Variants in FBXL17 observed in about 807,000 individuals in gnomAD.
FBXL17 encodes the protein F-box and leucine rich repeat protein 17.
FBXL17 carries 22 observed loss-of-function variants against 66.2 expected under a neutral mutation model. The observed-to-expected ratio is 0.33, with a 90% CI of 0.24 to 0.47. The LOEUF is 0.47. Among genes scored for constraint, FBXL17 ranks in the 20% least tolerant of loss-of-function variants. The pLI, the probability that FBXL17 is intolerant of heterozygous loss-of-function variation, is 1.00. For synonymous variants in FBXL17, 474 were observed against 400.5 expected, an observed-to-expected ratio of 1.18 and a Z score of -2.19; for missense variants, 878 against 948.2, an observed-to-expected ratio of 0.93 and a Z score of 0.97.
chr5:107,899,723 A>G (rs1259462875), intron 7 of FBXL17, among the ~76,000 whole-genome samples: 3 of 152,196 alleles, frequency 2.0e-5, no homozygotes, highest in Non-Finnish European at 4.4e-5. Context: ...TGATTTTCTA[A>G]ACGTAAGTTG....
At chr5:107,990,165 A>C (rs1753184534) in intron 7 of FBXL17, among the ~76,000 whole-genome samples, 1 of 152,214 alleles carries the variant, frequency 6.6e-6, no homozygotes, top group Non-Finnish European at 1.5e-5. Flanking sequence ...AGGTAAATTC[A>C]AGATCCCTAA....
chr5:108,160,867 A>T (rs1752184864), intron 6 of FBXL17, among the ~76,000 whole-genome samples: 1 of 152,134 alleles, frequency 6.6e-6, no homozygotes, highest in East Asian at 1.9e-4. Context: ...CAAGGGCCTT[A>T]TTGGAAAGTT....
intron 6 of FBXL17, among the ~76,000 whole-genome samples, chr5:108,031,495 G>T (rs1039321353): frequency 1.3e-5 from 2 of 151,964 alleles, no homozygotes; most frequent in Admixed American, 1.3e-4. Context: ...TAATATCATA[G>T]GAGTTAAAAA....
At chr5:108,031,727 A>C (rs1329474025) in intron 6 of FBXL17, among the ~76,000 whole-genome samples, 2 of 152,182 alleles carry the variant, frequency 1.3e-5, no homozygotes, top group African/African-American at 4.8e-5. Context: ...AACATAATAC[A>C]GTAATAAAAC....
chr5:108,222,659 G>C (rs973254172), intron 5 of FBXL17, among the ~76,000 whole-genome samples: 1 of 144,860 alleles, frequency 6.9e-6, no homozygotes. Flanking sequence ...TAGCAATTTA[G>C]ATACTATGGC....
intron 6 of FBXL17, among the ~76,000 whole-genome samples, chr5:108,052,112 C>CAGAAA (rs1561386640): frequency 2.7e-4 from 28 of 102,194 alleles, no homozygotes; most frequent in Non-Finnish European, 4.2e-4. Context: ...GACTTCGTCT[C>CAGAAA]AAAAAAAAAA....
chr5:107,940,060 G>A (rs908719276), intron 7 of FBXL17, among the ~76,000 whole-genome samples: 1 of 152,072 alleles, frequency 6.6e-6, no homozygotes, highest in Non-Finnish European at 1.5e-5. Flanking sequence ...AGTCTCACAA[G>A]CCTCTGAAGT....
At chr5:108,245,654 ATAAACACT>A (rs1367782285) in intron 4 of FBXL17, among the ~76,000 whole-genome samples, 5 of 152,222 alleles carry the variant, frequency 3.3e-5, no homozygotes, top group South Asian at 4.1e-4. Flanking sequence ...TCCCCTTGGC[ATAAACACT>A]TAAACTCTAC....
At chr5:107,962,690 T>A (rs1332365060) in intron 7 of FBXL17, among the ~76,000 whole-genome samples, 2 of 151,990 alleles carry the variant, frequency 1.3e-5, no homozygotes, top group South Asian at 2.1e-4. Context: ...TTTTTTTTTT[T>A]AATGAACAAA....
intron 6 of FBXL17, among the ~76,000 whole-genome samples, chr5:108,071,355 A>C (rs1748324645): frequency 6.6e-6 from 1 of 152,244 alleles, no homozygotes; most frequent in South Asian, 2.1e-4. Context: ...CCTCAAGAAC[A>C]GTTGAAAAAT....
intron 6 of FBXL17, among the ~76,000 whole-genome samples, chr5:108,099,401 C>T (rs10044509): frequency 0.31 from 46,732 of 152,030 alleles, 8,158 homozygotes; most frequent in Admixed American, 0.4. Flanking sequence ...ATAAGTTTTA[C>T]ATGGCACAGG....
At position 108,380,710 on chromosome 5, in the gene FBXL17, T is replaced by C. The variant is rs200545265; in HGVS notation, c.982A>G (p.Ile328Val). 2.1e-3 allele frequency: 2,611 copies of C among 1,246,944 alleles called. 3 individuals are homozygous for C. Among genetic ancestry groups the C allele is most frequent in the Non-Finnish European group, 2.5e-3 (2,478 of 988,196 alleles). 77.2% of individuals were successfully genotyped at this position (1,246,944 alleles called of 1,614,324 possible). Reference protein sequence around the residue: ...TPDINQLPPSILLKIFSNLSL... With the variant: ...TPDINQLPPSVLLKIFSNLSL... ...TCGCCCAGACCCACCTTGAGCAGGA[T>C]GGACGGCGGCAGCTGGTTGATGTCT... is the stretch of plus-strand genomic sequence containing the variant. The change falls in exon 1 of 9, where the codon ATC becomes GTC. Residue 328 changes from isoleucine to valine, a missense_variant. Physicochemically the swap from Ile to Val is conservative, Grantham distance 29. Transcript: ENST00000542267.
chr5:108,092,318 T>G (rs1749217099), intron 6 of FBXL17, among the ~76,000 whole-genome samples: 2 of 152,142 alleles, frequency 1.3e-5, no homozygotes, highest in Admixed American at 1.3e-4. Context: ...CTTTATTAGT[T>G]TTTTTTAGGC....
intron 4 of FBXL17, among the ~76,000 whole-genome samples, chr5:108,284,658 C>A (rs1757829334): frequency 6.6e-6 from 1 of 151,790 alleles, no homozygotes; most frequent in Non-Finnish European, 1.5e-5. Context: ...ACTGTCCAAC[C>A]TATGCGTGTA....
chr5:107,942,376 T>C (rs1751135760), intron 7 of FBXL17, among the ~76,000 whole-genome samples: 6 of 152,196 alleles, frequency 3.9e-5, no homozygotes. Flanking sequence ...CATCTCTTTG[T>C]ATAACCTCTG....
intron 1 of FBXL17, among the ~76,000 whole-genome samples, chr5:108,369,370 C>G (rs1257837982): frequency 6.6e-6 from 1 of 152,140 alleles, no homozygotes; most frequent in Non-Finnish European, 1.5e-5. Context: ...CTAAAATGTA[C>G]AAAACTAGGC....
chr5:107,962,427 T>C (rs1026649814), intron 7 of FBXL17, among the ~76,000 whole-genome samples: 3 of 152,162 alleles, frequency 2.0e-5, no homozygotes, highest in Admixed American at 2.0e-4. Context: ...TCAGACCAGC[T>C]ACACAACACA....
chr5:108,316,743 A>T (rs1759382502), intron 4 of FBXL17, among the ~76,000 whole-genome samples: 1 of 151,282 alleles, frequency 6.6e-6, no homozygotes, highest in African/African-American at 2.4e-5. Flanking sequence ...CATGAACCAG[A>T]TAACAGCATA....
chr5:108,331,309 C>T (rs1760113947), intron 4 of FBXL17, among the ~76,000 whole-genome samples: 1 of 152,142 alleles, frequency 6.6e-6, no homozygotes, highest in Admixed American at 6.5e-5. Context: ...TTATTTTACA[C>T]AGACTTCATG....
Sources: gnomAD v4.1 joint callset for allele counts (sites outside exome capture counted in the v4.1 genomes callset) on GRCh38, gnomAD v4.1.1 for gene constraint, MANE v1.5 for transcripts, NCBI Gene and HGNC (gene_info 2026-07-23, HGNC 2026-07-21) for gene names.